CRYM: variants seen among roughly 807,000 people sequenced by gnomAD.
The protein encoded by CRYM is ketimine reductase mu-crystallin.
Under a neutral mutation model 32.9 loss-of-function variants are expected in CRYM, and 18 were observed. The ratio of observed to expected loss-of-function variants is 0.55; its 90% CI spans 0.38 to 0.81. The LOEUF (loss-of-function observed/expected upper bound fraction) is 0.81. Ranked by LOEUF, CRYM falls within the 30% of genes least tolerant of loss-of-function variation. The pLI is 0.00. For synonymous variants in CRYM, 153 were observed against 152.4 expected (o/e 1.00, Z -0.03); for missense variants, 337 against 393.5 (o/e 0.86, Z 1.21).
chr16:21,300,167 A>C (rs1056669095), intron 1 of CRYM, among the ~76,000 whole-genome samples: 5 of 152,140 alleles, frequency 3.3e-5, no homozygotes, highest in Admixed American at 1.3e-4. Context: ...TCCGACTATT[A>C]GTCCATGTCC....
chr16:21,301,178 A>G (rs1476587496), intron 1 of CRYM: 1 of 152,330 alleles, frequency 6.6e-6, no homozygotes, highest in African/African-American at 2.4e-5. Context: ...GCAGCGGCTC[A>G]TGAATCTTCT....
upstream of CRYM, chr16:21,278,505 G>A (rs2152863453): frequency 1.7e-6 from 1 of 585,124 alleles, no homozygotes; most frequent in Non-Finnish European, 3.1e-6. Flanking sequence ...GGCGTGCTGG[G>A]AGTCAATATT....
intron 1 of CRYM, among the ~76,000 whole-genome samples, chr16:21,286,330 G>C (rs542332886): frequency 6.7e-6 from 1 of 150,372 alleles, no homozygotes; most frequent in African/African-American, 2.5e-5. Context: ...CAATTCTCTT[G>C]CCTCAGCCTC....
In CRYM at chr16:21,297,832, A is replaced by G. The variant is rs1012392412; in HGVS notation, c.-193+5146T>C. ...CTTAATTCTCTGACTAGATGAAAAA[A>G]ATATTTTTCAGATTGGCTAACAAGC... On this transcript the variant is annotated intron_variant, in intron 1 of 9. Coordinates refer to the CRYM transcript ENST00000219599. Among the ~76,000 whole-genome samples, 12 of 152,206 alleles carry G rather than the reference A, an allele frequency of 7.9e-5. 1 individual carries two copies. The highest frequency in any genetic ancestry group is 2.9e-4 in the African/African-American group (12 of 41,436).
At chr16:21,288,966 T>C (rs1960543079) in intron 1 of CRYM, among the ~76,000 whole-genome samples, 1 of 152,178 alleles carries the variant, frequency 6.6e-6, no homozygotes, top group South Asian at 2.1e-4. Flanking sequence ...TTCATATTAT[T>C]TCAGTTTTTT....
At chr16:21,289,922 A>G in intron 1 of CRYM, among the ~76,000 whole-genome samples, 1 of 152,004 alleles carries the variant, frequency 6.6e-6, no homozygotes, top group Middle Eastern at 3.2e-3. Context: ...TAAACACACC[A>G]ATCAGCACTC....
intron 1 of CRYM, among the ~76,000 whole-genome samples, chr16:21,285,846 A>G (rs2093406345): frequency 6.6e-6 from 1 of 152,228 alleles, no homozygotes; most frequent in Non-Finnish European, 1.5e-5. Flanking sequence ...AGGTTTATTA[A>G]CTCTGGAAGC....
chr16:21,268,124 C>T (rs1057334742), intron 4 of CRYM, among the ~76,000 whole-genome samples: 2 of 152,200 alleles, frequency 1.3e-5, no homozygotes, highest in African/African-American at 4.8e-5. Flanking sequence ...CCTGAAATTG[C>T]TTCATGTCAT....
At chr16:21,259,239 C>T (rs1302316418) in intron 7 of CRYM, among the ~76,000 whole-genome samples, 2 of 151,786 alleles carry the variant, frequency 1.3e-5, no homozygotes, top group Non-Finnish European at 2.9e-5. Context: ...GCTGGGATTA[C>T]AGGTGCATGC....
intron 1 of CRYM, among the ~76,000 whole-genome samples, chr16:21,286,763 C>T: frequency 6.6e-6 from 1 of 152,104 alleles, no homozygotes; most frequent in African/African-American, 2.4e-5. Flanking sequence ...CCTACTATGT[C>T]TCTCTTGGAC....
At chr16:21,291,347 C>G (rs1365591896) in intron 1 of CRYM, among the ~76,000 whole-genome samples, 1 of 152,160 alleles carries the variant, frequency 6.6e-6, no homozygotes, top group Non-Finnish European at 1.5e-5. Context: ...AAGTGAGTAT[C>G]TGAGGCTCTA....
chr16:21,271,803 T>C (rs780685830), intron 3 of CRYM, among the ~76,000 whole-genome samples: 20 of 152,178 alleles, frequency 1.3e-4, no homozygotes, highest in Non-Finnish European at 2.6e-4. Flanking sequence ...TAATTCTAAT[T>C]GGTTGTCTTA....
intron 1 of CRYM, among the ~76,000 whole-genome samples, chr16:21,288,284 T>G (rs1478987436): frequency 6.6e-6 from 1 of 152,240 alleles, no homozygotes; most frequent in Non-Finnish European, 1.5e-5. Flanking sequence ...ATTAAATATC[T>G]TATTATAGGT....
chr16:21,261,447 T>TAAA (rs5816151), intron 6 of CRYM, 109 bp from the exon 7 acceptor site: 182 of 595,560 alleles, frequency 3.1e-4, no homozygotes, highest in South Asian at 5.1e-4. Flanking sequence ...TAAATTTGAT[T>TAAA]AAAAAAAAAA....
At chr16:21,289,345 C>T (rs977881859) in intron 1 of CRYM, among the ~76,000 whole-genome samples, 1 of 152,088 alleles carries the variant, frequency 6.6e-6, no homozygotes, top group Non-Finnish European at 1.5e-5. Flanking sequence ...CTCTTATAAC[C>T]GTTTTTATCT....
At chr16:21,267,849 G>C in intron 4 of CRYM, 112 bp from the exon 5 acceptor site, 1 of 1,011,054 alleles carries the variant, frequency 9.9e-7, no homozygotes, top group African/African-American at 1.6e-5. Context: ...GGGGTCAGTG[G>C]TTATCTAAAT....
intron 5 of CRYM, among the ~76,000 whole-genome samples, chr16:21,267,162 A>G (rs2093365415): frequency 6.6e-6 from 1 of 151,790 alleles, no homozygotes; most frequent in Admixed American, 6.6e-5. Context: ...CAGTGGCACA[A>G]TCTTGGCTCA....
At chr16:21,290,178 A>G (rs1347098489) in intron 1 of CRYM, among the ~76,000 whole-genome samples, 2 of 152,134 alleles carry the variant, frequency 1.3e-5, no homozygotes, top group Non-Finnish European at 2.9e-5. Context: ...TGCTGTGGGA[A>G]CTTTTTTCTT....
rs1210619190 is a variant in CRYM at position 21,258,845 on chromosome 16, C to T, written c.881G>A (p.Gly294Glu). 1 of 1,613,956 alleles carries T rather than the reference C, an allele frequency of 6.2e-7. No homozygotes were observed. Among genetic ancestry groups the T allele is most frequent in the East Asian group, 2.2e-5 (1 of 44,896 alleles). Residue 294 changes from glycine (G) to glutamate (E), a missense_variant and splice_region_variant, in exon 8 of 8, where the codon GGA becomes GAA. Physicochemically the swap from Gly to Glu is moderately conservative, Grantham distance 98. Coordinates refer to ENST00000572914, the MANE Select transcript of CRYM (RefSeq NM_001376256.1). ...TGCAACTGTGTCTTCCACTGCCATTCCTAGAATAGACAGAAATTTGGTTCG... is the reference window on the plus strand; with the variant it reads ...TGCAACTGTGTCTTCCACTGCCATTTCTAGAATAGACAGAAATTTGGTTCG... ...CEKTTVFKSL[G>E]MAVEDTVAAK...
Sources: gnomAD v4.1 joint callset for allele counts (sites outside exome capture counted in the v4.1 genomes callset) on GRCh38, gnomAD v4.1.1 for gene constraint, MANE v1.5 for transcripts, NCBI Gene and HGNC (gene_info 2026-07-23, HGNC 2026-07-21) for gene names.